GEMIN5: variants seen among roughly 807,000 people sequenced by gnomAD.
GEMIN5 encodes gem nuclear organelle associated protein 5.
In GEMIN5, 124 loss-of-function variants were observed where a neutral mutation model predicts 176.9. That is an observed-to-expected ratio of 0.70 (90% confidence interval 0.61 to 0.81). The LOEUF (loss-of-function observed/expected upper bound fraction) is 0.81. Ranked by LOEUF, GEMIN5 falls within the 40% of genes least tolerant of loss-of-function variation. The pLI is 0.00. For missense variants in GEMIN5, 1,843 were observed against 1,814.6 expected (o/e 1.02, Z -0.28); for synonymous variants, 673 against 665.2 (o/e 1.01, Z -0.18).
intron 20 of GEMIN5, 98 bp from the exon 21 acceptor site, chr5:154,901,584 G>T: frequency 1.0e-6 from 1 of 993,830 alleles, no homozygotes; most frequent in Non-Finnish European, 1.5e-6. Flanking sequence ...TTTCGTCAAT[G>T]CATTCAGCAG....
At chr5:154,895,132 T>C (rs816748) in intron 24 of GEMIN5, among the ~76,000 whole-genome samples, 145,225 of 152,084 alleles carry the variant, frequency 0.95, 69,444 homozygotes, top group South Asian at 0.99. Context: ...AACTGTCCAA[T>C]TGTTTTTCAA....
At chr5:154,915,145 T>C (rs1224602762) in intron 13 of GEMIN5, among the ~76,000 whole-genome samples, 3 of 152,226 alleles carry the variant, frequency 2.0e-5, no homozygotes, top group Non-Finnish European at 2.9e-5. Flanking sequence ...TTATACACTG[T>C]CTACTATTTA....
Position 154,901,506 on chromosome 5 carries a change from T to G in GEMIN5, c.2867-20A>C. The G allele has an allele frequency of 1.2e-6, 2 of 1,611,484 alleles. No individual in the cohort carries two copies. Among genetic ancestry groups the G allele is most frequent in the Non-Finnish European group, 1.7e-6 (2 of 1,178,870 alleles). ...AGCCAGCTGAAAAAATAAAAGATGG[T>G]GGTTAAAAAAACAGTTGAAGAAAAA... is the stretch of plus-strand genomic sequence containing the variant. On this transcript the variant is annotated intron_variant, in intron 20 of 27. Transcript: ENST00000285873.
chr5:154,889,483 T>C, intron 26 of GEMIN5, 66 bp from the exon 27 acceptor site: 2 of 838,168 alleles, frequency 2.4e-6, no homozygotes, highest in Non-Finnish European at 4.0e-6. Context: ...CTCCCATTGT[T>C]ATTTTACTGT....
intron 23 of GEMIN5, among the ~76,000 whole-genome samples, chr5:154,896,909 A>T (rs1342880333): frequency 6.6e-6 from 1 of 152,222 alleles, no homozygotes; most frequent in African/African-American, 2.4e-5. Flanking sequence ...TTGCCATGAG[A>T]TTCCTTGTGT....
intron 18 of GEMIN5, 126 bp from the exon 19 acceptor site, chr5:154,903,301 C>T (rs1183210199): frequency 1.5e-6 from 1 of 649,402 alleles, no homozygotes; most frequent in African/African-American, 1.8e-5. Context: ...AGAGCTCTAA[C>T]AGAGACTCCT....
In GEMIN5 at chr5:154,902,533, C is replaced by T. The variant is rs765319557; in HGVS notation, c.2866+6G>A. ...GTTGAAAAGAACAAACAAACAAAAA[C>T]CATACCTGCTGGTGCCATAGCCACA... On this transcript the variant is annotated splice_donor_region_variant and intron_variant, in intron 20 of 27. Coordinates refer to ENST00000285873, the MANE Select transcript of GEMIN5 (RefSeq NM_015465.5). 2.5e-6 allele frequency: 4 copies of T among 1,613,578 alleles called. No homozygotes were observed. The highest frequency in any genetic ancestry group is 3.4e-6 in the Non-Finnish European group (4 of 1,179,766).
intron 26 of GEMIN5, 149 bp from the exon 27 acceptor site, chr5:154,889,566 A>G: frequency 2.0e-6 from 1 of 506,106 alleles, no homozygotes; most frequent in Non-Finnish European, 3.5e-6. Context: ...TTTTAAATAA[A>G]TTCATAATGT....
In GEMIN5 at chr5:154,888,122, C is replaced by T. The variant is rs1042614311; in HGVS notation, c.*88G>A. 2 of 1,225,124 alleles carry T rather than the reference C, an allele frequency of 1.6e-6. No homozygotes were observed. The highest frequency in any genetic ancestry group is 2.3e-5 in the East Asian group (1 of 43,004). 75.9% of individuals were successfully genotyped at this position (1,225,124 alleles called of 1,614,324 possible). The stretch of plus-strand genomic sequence containing the variant: ...GATTACTGCAAAAACATCTAGGGAC[C>T]AGAGTGAATGTCTGGTGAGGCATAA... On this transcript the variant is annotated 3_prime_UTR_variant, in exon 28 of 28. Transcript: ENST00000285873.
chr5:154,891,055 C>CTTTTTTTTTT (rs548747613), intron 26 of GEMIN5, among the ~76,000 whole-genome samples, 186 bp downstream of exon 26: 4 of 93,966 alleles, frequency 4.3e-5, no homozygotes, highest in Non-Finnish European at 7.5e-5. Context: ...TGTGCCCGGG[C>CTTTTTTTTTT]TTTTTTTTTT....
rs1193954969 is a variant in GEMIN5, at chr5:154,937,119, T to A, written c.233A>T (p.Gln78Leu). 3.7e-6 allele frequency: 6 copies of A among 1,613,710 alleles called. No homozygotes were observed. Among genetic ancestry groups the A allele is most frequent in the Non-Finnish European group, 5.1e-6 (6 of 1,179,714 alleles). Residue 78 changes from glutamine to leucine, a missense_variant, in exon 2 of 28, where the codon CAG becomes CTG. Gln to Leu is a moderately radical substitution (Grantham distance 113). Transcript: ENST00000285873. ...SGFTFSHHPG[Q>L]YNLCATSSDD... is the part of the protein sequence containing the mutation. ...GGAGCTGGTGGCACAGAGGTTGTAC[T>A]GACCAGGGTGATGAGAAAATGTGAA...
intron 24 of GEMIN5, 143 bp from the exon 25 acceptor site, chr5:154,892,692 T>A: frequency 1.3e-6 from 1 of 747,546 alleles, no homozygotes; most frequent in Non-Finnish European, 2.1e-6. Flanking sequence ...CCGCCACCCA[T>A]TTTTGCTTCC....
chr5:154,924,508 T>C lies in GEMIN5; in HGVS notation c.1340A>G (p.Asp447Gly), dbSNP rs770513045. 5.0e-6 allele frequency: 8 copies of C among 1,612,412 alleles called. No homozygotes were observed. The Admixed American group carries it at 1.3e-4, about 27-fold the overall frequency. The change falls in exon 9 of 28, where the codon GAT (aspartate) becomes GGT (glycine). Residue 447 changes from aspartate (D) to glycine (G), a missense_variant. Coordinates refer to ENST00000285873, the MANE Select transcript of GEMIN5 (RefSeq NM_015465.5). ...GTCATACAATCCCACTTTTCCATCA[T>C]CAGTTCCAAAAGCTAAGCAACCTTC... ...TKEGCLAFGTDDGKVGLYDTY... is the reference protein window; with the variant it reads ...TKEGCLAFGTGDGKVGLYDTY...
chr5:154,913,656 A>G (rs963968174), intron 13 of GEMIN5, among the ~76,000 whole-genome samples: 1 of 152,212 alleles, frequency 6.6e-6, no homozygotes, highest in African/African-American at 2.4e-5. Context: ...CTCTAAAAAA[A>G]AAATACAAAA....
chr5:154,915,542 T>C (rs915933230), intron 13 of GEMIN5, among the ~76,000 whole-genome samples: 2 of 152,220 alleles, frequency 1.3e-5, no homozygotes, highest in Non-Finnish European at 2.9e-5. Context: ...CATGGAATAG[T>C]ACTTGCTAGA....
intron 7 of GEMIN5, among the ~76,000 whole-genome samples, chr5:154,926,352 G>T (rs73807206): frequency 0.12 from 17,637 of 152,146 alleles, 1,240 homozygotes; most frequent in African/African-American, 0.19. Context: ...AAGTTCGGTG[G>T]TCTTTCTGTC....
intron 26 of GEMIN5, among the ~76,000 whole-genome samples, chr5:154,890,614 C>G (rs114154734): frequency 6.6e-6 from 1 of 151,918 alleles, no homozygotes; most frequent in African/African-American, 2.4e-5. Flanking sequence ...CAAGTGCATG[C>G]CACCACTACT....
intron 2 of GEMIN5, among the ~76,000 whole-genome samples, chr5:154,936,241 C>T (rs1764267071): frequency 6.6e-6 from 1 of 151,936 alleles, no homozygotes; most frequent in African/African-American, 2.4e-5. Flanking sequence ...ATGGTGAAAC[C>T]CCATCTCTGC....
chr5:154,931,439 AAAG>A lies in GEMIN5; in HGVS notation c.781+16_781+18del. The A allele has an allele frequency of 6.3e-7, 1 of 1,595,278 alleles. No individual in the cohort carries two copies. The highest frequency in any genetic ancestry group is 1.3e-5 in the African/African-American group (1 of 74,502). Reference sequence around the variant, plus strand: ...CCAGATCAACATAGGTTACATCACAAAAGAAAGATCAATCTTACCTCGGCCTCT... The same window carrying A: ...CCAGATCAACATAGGTTACATCACAAAAAGATCAATCTTACCTCGGCCTCT... On this transcript the variant is annotated intron_variant, in intron 5 of 27. Coordinates refer to ENST00000285873, the MANE Select transcript of GEMIN5 (RefSeq NM_015465.5).
Sources: allele counts gnomAD v4.1 joint callset (sites outside exome capture counted in the v4.1 genomes callset), GRCh38; gene constraint gnomAD v4.1.1; transcripts MANE v1.5; gene names NCBI Gene and HGNC (gene_info 2026-07-23, HGNC 2026-07-21).